Variants in STYXL1 observed in about 807,000 individuals in gnomAD.
The protein encoded by STYXL1 is serine/threonine/tyrosine interacting like 1, also known as serine/threonine/tyrosine-interacting-like protein 1.
A neutral mutation model predicts 36.4 loss-of-function variants in STYXL1; 32 were observed. That is an observed-to-expected ratio of 0.88 (90% CI 0.66 to 1.18). The LOEUF (loss-of-function observed/expected upper bound fraction) is 1.18, where lower values mean the gene tolerates loss of function less well. Ranked by LOEUF, STYXL1 falls within the 50% of genes most tolerant of loss-of-function variation. The probability of loss-of-function intolerance (pLI) is 0.00; values close to 1 mark genes in which losing one functional copy is unlikely to be tolerated. For missense variants in STYXL1, 354 were observed against 394.1 expected, an observed-to-expected ratio of 0.90 and a Z score of 0.86; for synonymous variants, 133 against 144.1, an observed-to-expected ratio of 0.92 and a Z score of 0.55.
intron 8 of STYXL1, among the ~76,000 whole-genome samples, chr7:75,999,659 T>C (rs1253350081): frequency 6.6e-6 from 1 of 151,854 alleles, no homozygotes; most frequent in Non-Finnish European, 1.5e-5. Context: ...GCGATTCTCC[T>C]GCCTCAGCCT....
intron 8 of STYXL1, among the ~76,000 whole-genome samples, chr7:76,000,218 CAAAA>C (rs35153306): frequency 4.3e-5 from 3 of 69,462 alleles, no homozygotes; most frequent in Admixed American, 1.4e-4. Context: ...GACTCCATCT[CAAAA>C]AAAAAAAAAA....
At chr7:76,000,543 A>G (rs1271563602) in intron 8 of STYXL1, 7 of 471,684 alleles carry the variant, frequency 1.5e-5, no homozygotes, top group Non-Finnish European at 3.0e-5. Context: ...AGGGAGATAG[A>G]CGGGAGTGGG....
chr7:76,031,714 C>CA (rs11395068), intron 1 of STYXL1, among the ~76,000 whole-genome samples: 37,860 of 134,324 alleles, frequency 0.28, 5,507 homozygotes, highest in East Asian at 0.46. Context: ...GACTCCATCT[C>CA]AAAAAAAAAA....
rs35777449 is a variant in STYXL1, at chr7:76,036,649, AT to A, written c.-4-6123del. Among the ~76,000 whole-genome samples, 144 of 136,228 alleles carry A rather than the reference AT, an allele frequency of 1.1e-3. 1 individual carries two copies. The highest frequency in any genetic ancestry group is 6.8e-3 in the East Asian group (33 of 4,866). 89.4% of individuals were successfully genotyped at this position (136,228 alleles called of 152,430 possible). The stretch of plus-strand genomic sequence containing the variant: ...CCAAGATCAAGTCTTTTCCATGTGA[AT>A]TTTTTTTTTTTTTTGAGCCACCTCG... On this transcript the variant is annotated intron_variant, in intron 1 of 8. Transcript: ENST00000359697.
At chr7:76,043,188 C>T (rs548244673) in intron 1 of STYXL1, among the ~76,000 whole-genome samples, 3 of 152,178 alleles carry the variant, frequency 2.0e-5, no homozygotes, top group Non-Finnish European at 2.9e-5. Context: ...GTTGCCCAGG[C>T]TGGAGTGCAG....
At chr7:76,017,854 A>G (rs1163993268) in intron 4 of STYXL1, among the ~76,000 whole-genome samples, 1 of 134,860 alleles carries the variant, frequency 7.4e-6, no homozygotes, top group Non-Finnish European at 1.6e-5. Context: ...CAACAAGAGC[A>G]AAACTCCATC....
At chr7:76,021,634 C>G (rs1794086941) in intron 4 of STYXL1, among the ~76,000 whole-genome samples, 1 of 152,084 alleles carries the variant, frequency 6.6e-6, no homozygotes, top group Admixed American at 6.6e-5. Context: ...CCTTAAAAAC[C>G]CCATTCCAAA....
In STYXL1 at chr7:76,003,887, G is replaced by A. The variant is rs375704510; in HGVS notation, c.600-32C>T. 3.6e-4 allele frequency: 577 copies of A among 1,596,660 alleles called. 2 individuals carry two copies. The highest frequency in any genetic ancestry group is 1.1e-3 in the South Asian group (102 of 90,678). Reference sequence around the variant, plus strand: ...GGAAGGACCACACAGGTCATCAGGTGGAATGCAGAATGCAGGCATCCCCAT... The same window carrying A: ...GGAAGGACCACACAGGTCATCAGGTAGAATGCAGAATGCAGGCATCCCCAT... On this transcript the variant is annotated intron_variant, in intron 6 of 8. Transcript: ENST00000359697.
Position 76,030,443 on chromosome 7 carries a change from G to T in STYXL1, c.81C>A (p.Asp27Glu). The change falls in exon 2 of 9, where the codon GAC becomes GAA. Residue 27 changes from aspartate to glutamate, a missense_variant. By Grantham distance (45) the Asp-to-Glu change is conservative. Transcript: ENST00000359697. The part of the protein sequence containing the change: ...NQATKLSRLT[D>E]PNYLCLLDVR... ...TACCCAATAAACAGAGATAGTTGGGGTCTGTTAATCTGGAGAGTTTTGTGG... is the reference window on the plus strand; with the variant it reads ...TACCCAATAAACAGAGATAGTTGGGTTCTGTTAATCTGGAGAGTTTTGTGG... The T allele has an allele frequency of 6.2e-7, 1 of 1,613,370 alleles. No homozygotes were observed. The highest frequency in any genetic ancestry group is 8.5e-7 in the Non-Finnish European group (1 of 1,179,370).
At chr7:76,023,744 G>A (rs1794348454) in intron 3 of STYXL1, among the ~76,000 whole-genome samples, 3 of 152,022 alleles carry the variant, frequency 2.0e-5, no homozygotes, top group South Asian at 4.2e-4. Context: ...GGCCGGGCGC[G>A]GAGGCTCATG....
chr7:76,017,875 A>AAAAAAAAAAAAAAAAAAAAAAAAAAAC (rs1793583476), intron 4 of STYXL1, among the ~76,000 whole-genome samples: 1 of 146,092 alleles, frequency 6.8e-6, no homozygotes, highest in Non-Finnish European at 1.5e-5. Flanking sequence ...TCAAAAAAAA[A>AAAAAAAAAAAAAAAAAAAAAAAAAAAC]AAAAAAGGCA....
intron 1 of STYXL1, among the ~76,000 whole-genome samples, chr7:76,043,330 G>A (rs972808923): frequency 1.3e-5 from 2 of 151,848 alleles, no homozygotes; most frequent in Admixed American, 1.3e-4. Context: ...TGTAGAGATG[G>A]GGTTTCACCA....
chr7:76,045,413 T>C (rs566360389), intron 1 of STYXL1: 5 of 152,352 alleles, frequency 3.3e-5, no homozygotes, highest in African/African-American at 9.6e-5. Context: ...AAAAGCCTGA[T>C]TGGCCAGGTG....
At chr7:76,013,618 T>A in intron 5 of STYXL1, 124 bp downstream of exon 5, 2 of 1,399,950 alleles carry the variant, frequency 1.4e-6, no homozygotes, top group South Asian at 2.5e-5. Flanking sequence ...ATAGACAGAA[T>A]CTCCTCCACT....
Position 76,013,895 on chromosome 7 carries a change from T to C in STYXL1, c.308-8A>G. Reference sequence around the variant, plus strand: ...CTGCTTGAGGCACAAGATCTGAGAGTGGAGACCAAAGACATGAATGTCTCC... The same window carrying C: ...CTGCTTGAGGCACAAGATCTGAGAGCGGAGACCAAAGACATGAATGTCTCC... On this transcript the variant is annotated splice_polypyrimidine_tract_variant and splice_region_variant and intron_variant, in intron 4 of 8. Transcript: ENST00000359697. 1 of 1,604,664 alleles carries C rather than the reference T, an allele frequency of 6.2e-7. No homozygotes were observed. The highest frequency in any genetic ancestry group is 8.5e-7 in the Non-Finnish European group (1 of 1,174,600).
chr7:76,020,874 C>T (rs1554575824), intron 4 of STYXL1, among the ~76,000 whole-genome samples: 1 of 152,082 alleles, frequency 6.6e-6, no homozygotes, highest in Non-Finnish European at 1.5e-5. Context: ...AAGTAAAGCC[C>T]TTGGTTCCTG....
chr7:75,997,934 A>G (rs1554564633), intron 8 of STYXL1, among the ~76,000 whole-genome samples: 1 of 152,224 alleles, frequency 6.6e-6, no homozygotes, highest in Admixed American at 6.5e-5. Context: ...CAGTGCTGAA[A>G]GAAATTAAAG....
intron 2 of STYXL1, among the ~76,000 whole-genome samples, chr7:76,030,001 T>A (rs1027615077): frequency 6.6e-6 from 1 of 150,410 alleles, no homozygotes; most frequent in South Asian, 2.1e-4. Context: ...TCTTTTTTAT[T>A]TTTTTTTTTC....
chr7:76,005,817 GGAGGAGGAGGAAGAGA>G lies in STYXL1; in HGVS notation c.454-429_454-414del, dbSNP rs1235667796. 6.2e-3 allele frequency among the ~76,000 whole-genome samples: 914 copies of G among 148,574 alleles called. 12 individuals carry two copies. The highest frequency in any genetic ancestry group is 0.02 in the African/African-American group (789 of 40,194). ...AAGCATCGAGAGAGAGAGAGAAGGAGGAGGAGGAGGAAGAGAGAGGAGGAGGAAGAGAGAGGAGGAG... is the reference window on the plus strand; with the variant it reads ...AAGCATCGAGAGAGAGAGAGAAGGAGGAGGAGGAGGAAGAGAGAGGAGGAG... On this transcript the variant is annotated intron_variant, in intron 5 of 8. Transcript: ENST00000359697.
Sources: gnomAD v4.1 joint callset for allele counts (sites outside exome capture counted in the v4.1 genomes callset) on GRCh38, gnomAD v4.1.1 for gene constraint, MANE v1.5 for transcripts, NCBI Gene and HGNC (gene_info 2026-07-23, HGNC 2026-07-21) for gene names.